Variants in POLR3H observed in about 807,000 individuals in gnomAD.
POLR3H encodes RNA polymerase III subunit H.
POLR3H carries 17 observed loss-of-function variants against 25.5 expected under a neutral mutation model. The observed-to-expected ratio is 0.67, with a 90% CI of 0.46 to 1.00. The LOEUF (loss-of-function observed/expected upper bound fraction) is 1.00, where lower values mean the gene tolerates loss of function less well. POLR3H is among the 50% of genes least tolerant of loss of function. The probability of loss-of-function intolerance (pLI) is 0.00; values close to 1 mark genes in which losing one functional copy is unlikely to be tolerated. For synonymous variants in POLR3H, 129 were observed against 103.0 expected (o/e 1.25, Z -1.53); for missense variants, 274 against 265.0 (o/e 1.03, Z -0.24).
Position 41,527,594 on chromosome 22 carries a change from TC to T in POLR3H, c.*1688del. On this transcript the variant is annotated 3_prime_UTR_variant, in exon 6 of 6. Coordinates refer to ENST00000355209, the MANE Select transcript of POLR3H (RefSeq NM_001018050.4). ...CACAGTGCACATCCGACGCTCAGCTTCCCGGCTTCCCGCAGGCCCTGCTTCC... is the reference window on the plus strand; with the variant it reads ...CACAGTGCACATCCGACGCTCAGCTTCCGGCTTCCCGCAGGCCCTGCTTCC... 1 of 949,542 alleles carries T rather than the reference TC, an allele frequency of 1.1e-6. No individual in the cohort carries two copies. 58.8% of individuals were successfully genotyped at this position (949,542 alleles called of 1,614,324 possible). A position where few individuals can be genotyped will look rare whatever the true frequency, so the allele number is the denominator to read the frequency against.
chr22:41,541,242 C>G (rs1036965438), intron 1 of POLR3H, among the ~76,000 whole-genome samples: 1 of 152,174 alleles, frequency 6.6e-6, no homozygotes, highest in Admixed American at 6.5e-5. Flanking sequence ...AGGAATGCTG[C>G]CTAAACGTGC....
Position 41,526,748 on chromosome 22 carries a change from C to A in POLR3H, c.*2535G>T. On this transcript the variant is annotated 3_prime_UTR_variant, in exon 6 of 6. Transcript: ENST00000355209. ...GGGGGCCGACTCAGGAAGTCAGAGG[C>A]CAAAAGCTCAGAGAGGGGGCTACAC... 1 of 377,626 alleles carries A rather than the reference C, an allele frequency of 2.6e-6. No homozygotes were observed. The highest frequency in any genetic ancestry group is 4.8e-6 in the Non-Finnish European group (1 of 207,240). The allele number at this position is 377,626 out of a possible 1,614,324, so 23.4% of individuals were successfully genotyped here. A position where few individuals can be genotyped will look rare whatever the true frequency, so the allele number is the denominator to read the frequency against.
At position 41,529,080 on chromosome 22, in the gene POLR3H, A is replaced by T. The variant is rs1601941678; in HGVS notation, c.*203T>A. The T allele has an allele frequency of 1.7e-5, 10 of 587,934 alleles. No individual in the cohort carries two copies. Among genetic ancestry groups the T allele is most frequent in the Middle Eastern group, 4.5e-4 (1 of 2,208 alleles). The allele number at this position is 587,934 out of a possible 1,614,324, so 36.4% of individuals were successfully genotyped here. ...CAGTGGAGGCCCAACAGCCACAGCC[A>T]CAGATGGATCCATCACTGCAGTGAA... is the stretch of plus-strand genomic sequence containing the variant. On this transcript the variant is annotated 3_prime_UTR_variant, in exon 6 of 6. Coordinates refer to ENST00000355209, the MANE Select transcript of POLR3H (RefSeq NM_001018050.4).
At chr22:41,541,477 T>C (rs2066928479) in intron 1 of POLR3H, among the ~76,000 whole-genome samples, 1 of 152,198 alleles carries the variant, frequency 6.6e-6, no homozygotes, top group African/African-American at 2.4e-5. Flanking sequence ...TGTCTCCTTA[T>C]CTGCCACCGT....
In POLR3H at chr22:41,544,002, A is replaced by C. The variant is rs1179181626; in HGVS notation, c.100T>G (p.Leu34Val). The part of the protein sequence containing the change: ...DSIAEELNKK[L>V]ANKVVYNVGL... ...CGTGGGCCCAGTACCTTGTTGGCCA[A>C]CTTCTTGTTCAGCTCCTCGGCAATG... The change falls in exon 1 of 6, where the codon TTG becomes GTG. Residue 34 changes from leucine to valine, a missense_variant. Leu to Val is a conservative substitution (Grantham distance 32). Transcript: ENST00000355209. The C allele has an allele frequency of 2.5e-6, 4 of 1,613,300 alleles. No homozygotes were observed. The East Asian group carries it at 8.9e-5, about 36-fold the overall frequency.
In POLR3H at chr22:41,544,160, G is replaced by T; in HGVS notation, c.-59C>A. On this transcript the variant is annotated 5_prime_UTR_variant, in exon 1 of 6. Coordinates refer to ENST00000355209, the MANE Select transcript of POLR3H (RefSeq NM_001018050.4). ...GGTCAGTCACGCACCAGGGCCGGGG[G>T]CAGGGAGAATCCCCGAGCCCCTTGG... is the stretch of plus-strand genomic sequence containing the variant. 1 of 1,068,970 alleles carries T rather than the reference G, an allele frequency of 9.4e-7. No homozygotes were observed. The highest frequency in any genetic ancestry group is 1.4e-6 in the Non-Finnish European group (1 of 709,568). 66.2% of individuals were successfully genotyped at this position (1,068,970 alleles called of 1,614,324 possible). A position where few individuals can be genotyped will look rare whatever the true frequency, so the allele number is the denominator to read the frequency against.
chr22:41,531,665 C>T (rs956938283), intron 4 of POLR3H, among the ~76,000 whole-genome samples: 15 of 152,226 alleles, frequency 9.9e-5, no homozygotes, highest in African/African-American at 3.1e-4. Flanking sequence ...ACAGGGACAA[C>T]GGAGGCCCAG....
chr22:41,530,190 C>G (rs1601945001), intron 5 of POLR3H, among the ~76,000 whole-genome samples: 1 of 151,882 alleles, frequency 6.6e-6, no homozygotes, highest in Non-Finnish European at 1.5e-5. Context: ...AATGCAGTGG[C>G]ACAACCTTGA....
chr22:41,534,973 G>A (rs952459139), intron 2 of POLR3H, among the ~76,000 whole-genome samples: 3 of 152,102 alleles, frequency 2.0e-5, no homozygotes, highest in African/African-American at 7.2e-5. Context: ...TGGTGGGAGG[G>A]GGCCCTCTCC....
intron 1 of POLR3H, among the ~76,000 whole-genome samples, chr22:41,542,611 C>G (rs1014316956): frequency 7.2e-5 from 11 of 152,134 alleles, no homozygotes; most frequent in Admixed American, 6.5e-5. Context: ...TAACATTTAC[C>G]TCAATTTGTC....
In POLR3H at chr22:41,540,535, G is replaced by T. The variant is rs771183853; in HGVS notation, c.208+164C>A. 8.5e-6 allele frequency: 6 copies of T among 706,214 alleles called. No homozygotes were observed. The East Asian group carries it at 1.1e-4, about 13-fold the overall frequency. The allele number at this position is 706,214 out of a possible 1,614,324, so 43.7% of individuals were successfully genotyped here. A position where few individuals can be genotyped will look rare whatever the true frequency, so the allele number is the denominator to read the frequency against. On this transcript the variant is annotated intron_variant, in intron 2 of 5. Transcript: ENST00000355209. ...TTTTATTTATGTATTTAAAGACAGG[G>T]TCTTGCTATGTTGCCCAGGCTGGCC... is the stretch of plus-strand genomic sequence containing the variant.
At chr22:41,542,658 C>A (rs1048588791) in intron 1 of POLR3H, among the ~76,000 whole-genome samples, 1 of 152,176 alleles carries the variant, frequency 6.6e-6, no homozygotes, top group Non-Finnish European at 1.5e-5. Context: ...TCATTCATAT[C>A]TGCTTTCCCA....
In POLR3H at chr22:41,526,176, G is replaced by C; in HGVS notation, c.*3107C>G. Reference sequence around the variant, plus strand: ...CCTCTGTCACCCCTCCTGGGCCCCGGGGCCTGCTGCCTGCCTCTGGAGGGC... The same window carrying C: ...CCTCTGTCACCCCTCCTGGGCCCCGCGGCCTGCTGCCTGCCTCTGGAGGGC... On this transcript the variant is annotated 3_prime_UTR_variant, in exon 6 of 6. Transcript: ENST00000355209. 1.6e-6 allele frequency: 2 copies of C among 1,284,012 alleles called. No individual in the cohort carries two copies. Among genetic ancestry groups the C allele is most frequent in the Non-Finnish European group, 2.2e-6 (2 of 920,802 alleles). 79.5% of individuals were successfully genotyped at this position (1,284,012 alleles called of 1,614,324 possible).
intron 1 of POLR3H, among the ~76,000 whole-genome samples, chr22:41,543,125 GAA>G (rs1033238218): frequency 1.3e-4 from 20 of 152,074 alleles, no homozygotes; most frequent in African/African-American, 4.8e-4. Context: ...AGAGGGAAAG[GAA>G]AAAGTCTAAG....
rs866637086 is a variant in POLR3H, at chr22:41,526,425, C to T, written c.*2858G>A. On this transcript the variant is annotated 3_prime_UTR_variant, in exon 6 of 6. Transcript: ENST00000355209. ...AATGCCGTCACTCAGGAGTTTGGCC[C>T]CGTCCCTGACACTGCCCGCTACTAC... 1 of 1,613,578 alleles carries T rather than the reference C, an allele frequency of 6.2e-7. No individual in the cohort carries two copies. The highest frequency in any genetic ancestry group is 8.5e-7 in the Non-Finnish European group (1 of 1,179,776).
chr22:41,532,784 G>T (rs1258320407), intron 2 of POLR3H, 39 bp from the exon 3 acceptor site: 1 of 1,600,420 alleles, frequency 6.2e-7, no homozygotes, highest in Admixed American at 1.7e-5. Flanking sequence ...GCTGACCGGG[G>T]CCCCAGTGCG....
intron 1 of POLR3H, among the ~76,000 whole-genome samples, chr22:41,542,724 C>G (rs777216873): frequency 6.6e-6 from 1 of 152,118 alleles, no homozygotes; most frequent in African/African-American, 2.4e-5. Context: ...AACAAATGGC[C>G]GGGCACGGTG....
intron 1 of POLR3H, among the ~76,000 whole-genome samples, chr22:41,542,541 G>C (rs1265263092): frequency 6.6e-6 from 1 of 152,024 alleles, no homozygotes; most frequent in African/African-American, 2.4e-5. Flanking sequence ...CAAAGCTGCA[G>C]GTCCCCTCAT....
chr22:41,531,015 A>G (rs2066720744), intron 4 of POLR3H, 127 bp from the exon 5 acceptor site: 2 of 897,676 alleles, frequency 2.2e-6, no homozygotes, highest in South Asian at 1.6e-5. Flanking sequence ...GTCACAGGAA[A>G]AGCAGGTCCC....
Sources: allele counts gnomAD v4.1 joint callset (sites outside exome capture counted in the v4.1 genomes callset), GRCh38; gene constraint gnomAD v4.1.1; transcripts MANE v1.5; gene names NCBI Gene and HGNC (gene_info 2026-07-23, HGNC 2026-07-21).